The following PAPPA2 variants were observed in gnomAD, a reference collection of about 807,000 sequenced individuals.
The protein encoded by PAPPA2 is pappalysin-2.
PAPPA2 carries 86 observed loss-of-function variants against 176.4 expected under a neutral mutation model. The observed-to-expected ratio is 0.49, with a 90% confidence interval of 0.41 to 0.58. PAPPA2 has a LOEUF of 0.58. PAPPA2 is among the 20% of genes least tolerant of loss of function. The pLI, the probability that PAPPA2 is intolerant of heterozygous loss-of-function variation, is 0.00. For synonymous variants in PAPPA2, 809 were observed against 852.2 expected (o/e 0.95, Z 0.88); for missense variants, 2,073 against 2,256.9 (o/e 0.92, Z 1.65).
intron 2 of PAPPA2, among the ~76,000 whole-genome samples, chr1:176,591,886 C>A (rs1653689140): frequency 6.6e-6 from 1 of 152,200 alleles, no homozygotes; most frequent in Non-Finnish European, 1.5e-5. Context: ...ATTTAACTTA[C>A]CATTGATATC....
chr1:176,740,097 G>A lies in PAPPA2; in HGVS notation c.4052G>A (p.Gly1351Asp). Residue 1351 changes from glycine to aspartate, a missense_variant, in exon 14 of 23, where the codon GGC becomes GAC. This residue lies in a region of PAPPA2 where 846 missense variants were observed against 857.9 expected (regional missense o/e 0.99). Coordinates refer to ENST00000367662, the MANE Select transcript of PAPPA2 (RefSeq NM_020318.3). ...VLLNFSSPRVGISAVALRTSS... is the reference protein window; with the variant it reads ...VLLNFSSPRVDISAVALRTSS... ...CTGAATTTCTCATCCCCACGGGTCGGCATCTCAGCTGTGGCTCTAAGGACA... is the reference window on the plus strand; with the variant it reads ...CTGAATTTCTCATCCCCACGGGTCGACATCTCAGCTGTGGCTCTAAGGACA... 6.2e-7 allele frequency: 1 copy of A among 1,613,856 alleles called. No homozygotes were observed. Among genetic ancestry groups the A allele is most frequent in the Non-Finnish European group, 8.5e-7 (1 of 1,179,860 alleles).
intron 17 of PAPPA2, among the ~76,000 whole-genome samples, chr1:176,787,730 C>G (rs1016676328): frequency 6.7e-6 from 1 of 148,938 alleles, no homozygotes; most frequent in African/African-American, 2.5e-5. Context: ...AATTACTTAA[C>G]ATCCTTTAGT....
intron 3 of PAPPA2, among the ~76,000 whole-genome samples, chr1:176,612,575 T>C (rs1216700846): frequency 6.6e-6 from 1 of 152,162 alleles, no homozygotes; most frequent in East Asian, 1.9e-4. Context: ...TTACATTGTT[T>C]ACTCGATTTA....
intron 2 of PAPPA2, among the ~76,000 whole-genome samples, chr1:176,578,752 A>G (rs1652795995): frequency 6.6e-6 from 1 of 152,202 alleles, no homozygotes; most frequent in African/African-American, 2.4e-5. Flanking sequence ...CGTATTGATA[A>G]CATGTATCAG....
At chr1:176,468,100 G>T (rs188272494) in intron 1 of PAPPA2, among the ~76,000 whole-genome samples, 276 of 152,272 alleles carry the variant, frequency 1.8e-3, no homozygotes, top group Non-Finnish European at 3.2e-3. Context: ...CTCAAGGTTT[G>T]TGGATTCAAG....
intron 2 of PAPPA2, 111 bp downstream of exon 2, chr1:176,557,352 G>A: frequency 7.9e-7 from 1 of 1,269,746 alleles, no homozygotes; most frequent in Non-Finnish European, 1.1e-6. Context: ...AGGAAAGCCA[G>A]AAAGGGCTAG....
At chr1:176,559,451 G>C (rs1651529825) in intron 2 of PAPPA2, among the ~76,000 whole-genome samples, 1 of 152,188 alleles carries the variant, frequency 6.6e-6, no homozygotes, top group East Asian at 1.9e-4. Context: ...TTGGGAACAT[G>C]GTTTCATTCT....
In PAPPA2 at chr1:176,556,827, G is replaced by A. The variant is rs1457426597; in HGVS notation, c.505G>A (p.Ala169Thr). ...EAGIQKGSAM[A>T]ATTTTAIFTT... Reference sequence around the variant, plus strand: ...CGGGATTCAGAAAGGCTCAGCCATGGCTGCCACTACTACCACCGCCATTTT... The same window carrying A: ...CGGGATTCAGAAAGGCTCAGCCATGACTGCCACTACTACCACCGCCATTTT... The change falls in exon 2 of 23, where the codon GCT (alanine) becomes ACT (threonine). Residue 169 changes from alanine (A) to threonine (T), a missense_variant. Ala to Thr is a moderately conservative substitution (Grantham distance 58, BLOSUM62 0). Transcript: ENST00000367662. 1 of 1,613,986 alleles carries A rather than the reference G, an allele frequency of 6.2e-7. No homozygotes were observed. The highest frequency in any genetic ancestry group is 1.3e-5 in the African/African-American group (1 of 74,896).
At chr1:176,579,784 T>C (rs940028505) in intron 2 of PAPPA2, among the ~76,000 whole-genome samples, 1 of 152,252 alleles carries the variant, frequency 6.6e-6, no homozygotes, top group Non-Finnish European at 1.5e-5. Flanking sequence ...CTTGCTCAAC[T>C]TCTCTGATTC....
chr1:176,595,115 G>T lies in PAPPA2; in HGVS notation c.1511G>T (p.Cys504Phe). The part of the protein sequence containing the change: ...LQPPLCGQTV[C>F]DNVELISQYN... ...CCCCCACTCTGTGGGCAAACAGTCT[G>T]TGACAATGTGGAATTGATCTCCCAG... Residue 504 changes from cysteine to phenylalanine, a missense_variant, in exon 3 of 23, where the codon TGT (cysteine) becomes TTT (phenylalanine). Cys to Phe is a radical substitution (Grantham distance 205). This residue lies in a region of PAPPA2 where 1,196 missense variants were observed against 1,330.4 expected (regional missense o/e 0.90). Transcript: ENST00000367662. The T allele has an allele frequency of 6.2e-7, 1 of 1,614,180 alleles. No homozygotes were observed. The highest frequency in any genetic ancestry group is 8.5e-7 in the Non-Finnish European group (1 of 1,180,022).
chr1:176,579,814 C>G (rs1652860302), intron 2 of PAPPA2, among the ~76,000 whole-genome samples: 1 of 152,164 alleles, frequency 6.6e-6, no homozygotes. Context: ...TGGTCTGATA[C>G]ACTCAGCTTA....
In PAPPA2 at chr1:176,699,370, C is replaced by T. The variant is rs1324454816; in HGVS notation, c.3017C>T (p.Pro1006Leu). The change falls in exon 8 of 23, where the codon CCA (proline) becomes CTA (leucine). Residue 1006 changes from proline to leucine, a missense_variant. Around this residue, in one of 4 missense-constraint regions of PAPPA2, gnomAD observed 1,196 missense variants for 1,330.4 expected, o/e 0.90. Transcript: ENST00000367662. ...CCCTTAGACACTTTCTGTGACATCC[C>T]ACTCACCATCAAACTGCACGTGGAT... ...LGPLDTFCDI[P>L]LTIKLHVDGK... 6.2e-7 allele frequency: 1 copy of T among 1,614,022 alleles called. No individual in the cohort carries two copies. The highest frequency in any genetic ancestry group is 1.3e-5 in the African/African-American group (1 of 74,906).
At chr1:176,598,871 C>T (rs1349025230) in intron 3 of PAPPA2, among the ~76,000 whole-genome samples, 12 of 152,216 alleles carry the variant, frequency 7.9e-5, no homozygotes, top group African/African-American at 2.9e-4. Context: ...GGGGTTAGAG[C>T]TACTGTGTCC....
intron 1 of PAPPA2, among the ~76,000 whole-genome samples, chr1:176,527,206 C>T (rs371945318): frequency 2.0e-5 from 3 of 152,216 alleles, no homozygotes; most frequent in South Asian, 2.1e-4. Context: ...CAGGTTGTAG[C>T]TTCAAATAGC....
chr1:176,764,785 A>G (rs1663871758), intron 14 of PAPPA2, among the ~76,000 whole-genome samples: 1 of 152,012 alleles, frequency 6.6e-6, no homozygotes, highest in African/African-American at 2.4e-5. Context: ...TTTAGTAGAG[A>G]TGGGGTTTCA....
Position 176,844,660 on chromosome 1 carries a change from T to A in PAPPA2, c.*2206T>A, listed in dbSNP as rs1571412482. On this transcript the variant is annotated 3_prime_UTR_variant, in exon 23 of 23. Transcript: ENST00000367662. Reference sequence around the variant, plus strand: ...ATATGCAAAGGACAATGGAAAAGTTTAGACACTCTATTTTCAAAATTTTAT... The same window carrying A: ...ATATGCAAAGGACAATGGAAAAGTTAAGACACTCTATTTTCAAAATTTTAT... 6.6e-6 allele frequency: 1 copy of A among 152,300 alleles called. No homozygotes were observed. Among genetic ancestry groups the A allele is most frequent in the Non-Finnish European group, 1.5e-5 (1 of 68,024 alleles). The allele number at this position is 152,300 out of a possible 1,614,324, so 9.4% of individuals were successfully genotyped here.
At chr1:176,688,588 T>A (rs536467125) in intron 4 of PAPPA2, among the ~76,000 whole-genome samples, 1 of 152,268 alleles carries the variant, frequency 6.6e-6, no homozygotes, top group South Asian at 2.1e-4. Context: ...AGAATAACAA[T>A]TTTACCATAA....
chr1:176,719,060 T>C (rs757121069), intron 12 of PAPPA2, among the ~76,000 whole-genome samples: 15 of 152,148 alleles, frequency 9.9e-5, no homozygotes, highest in Non-Finnish European at 2.2e-4. Flanking sequence ...GTTTTGTCAT[T>C]TTTGAGACAT....
At chr1:176,642,627 A>G (rs1364631204) in intron 3 of PAPPA2, among the ~76,000 whole-genome samples, 1 of 151,976 alleles carries the variant, frequency 6.6e-6, no homozygotes, top group South Asian at 2.1e-4. Context: ...GACCACTGCT[A>G]TAGTTTGAGC....
Sources: allele counts gnomAD v4.1 joint callset (sites outside exome capture counted in the v4.1 genomes callset), GRCh38; gene constraint gnomAD v4.1.1; regional missense constraint gnomAD v4.1.1; transcripts MANE v1.5; gene names NCBI Gene and HGNC (gene_info 2026-07-23, HGNC 2026-07-21).